Variants in IMMP2L observed in about 807,000 individuals in gnomAD.
The protein encoded by IMMP2L is inner mitochondrial membrane peptidase subunit 2.
IMMP2L carries 18 observed loss-of-function variants against 19.3 expected under a neutral mutation model. The ratio of observed to expected loss-of-function variants is 0.93; its 90% CI spans 0.64 to 1.38. IMMP2L has a LOEUF of 1.38. Among genes scored for constraint, IMMP2L ranks in the 40% most tolerant of loss-of-function variants. The pLI is 0.00. For missense variants in IMMP2L, 233 were observed against 218.2 expected, an observed-to-expected ratio of 1.07 and a Z score of -0.43; for synonymous variants, 76 against 73.0, an observed-to-expected ratio of 1.04 and a Z score of -0.21.
At chr7:110,913,636 A>G (rs1263785990) in intron 4 of IMMP2L, among the ~76,000 whole-genome samples, 1 of 152,170 alleles carries the variant, frequency 6.6e-6, no homozygotes, top group Non-Finnish European at 1.5e-5. Context: ...ATTTCTCAAC[A>G]TAAGCTCCAT....
chr7:111,104,260 T>C (rs912862908), intron 3 of IMMP2L, among the ~76,000 whole-genome samples: 2 of 151,694 alleles, frequency 1.3e-5, no homozygotes, highest in African/African-American at 4.8e-5. Flanking sequence ...ACAAAAGTCA[T>C]ATGATTTTCC....
chr7:110,821,600 C>T (rs1303640160), intron 5 of IMMP2L, among the ~76,000 whole-genome samples: 1 of 151,884 alleles, frequency 6.6e-6, no homozygotes, highest in East Asian at 1.9e-4. Flanking sequence ...AGTCAAGCTG[C>T]TTTAAATCCC....
chr7:110,674,335 T>A (rs1296166156), intron 5 of IMMP2L, among the ~76,000 whole-genome samples: 5 of 152,130 alleles, frequency 3.3e-5, no homozygotes, highest in Admixed American at 3.3e-4. Flanking sequence ...ACATGGGGAT[T>A]ATGGGAACTA....
chr7:111,242,664 G>A (rs1704096255), intron 3 of IMMP2L, among the ~76,000 whole-genome samples: 1 of 151,824 alleles, frequency 6.6e-6, no homozygotes, highest in South Asian at 2.1e-4. Context: ...CATTCTGAAG[G>A]CCTCGTGCAT....
intron 3 of IMMP2L, among the ~76,000 whole-genome samples, chr7:111,065,584 C>T (rs1277329829): frequency 6.6e-6 from 1 of 152,108 alleles, no homozygotes; most frequent in Non-Finnish European, 1.5e-5. Context: ...GGATGGGCAC[C>T]ATCTAATCAG....
At chr7:111,390,890 T>C (rs1832288149) in intron 3 of IMMP2L, 1 of 152,122 alleles carries the variant, frequency 6.6e-6, no homozygotes, top group South Asian at 2.1e-4. Flanking sequence ...CATTAACACG[T>C]AACTATGAAG....
At chr7:110,786,062 T>C (rs551766447) in intron 5 of IMMP2L, among the ~76,000 whole-genome samples, 31 of 152,080 alleles carry the variant, frequency 2.0e-4, no homozygotes, top group Middle Eastern at 6.8e-3. Flanking sequence ...AAAGGATGCT[T>C]ACTAGATTGC....
chr7:111,443,543 G>C (rs1158064006), intron 3 of IMMP2L, among the ~76,000 whole-genome samples: 1 of 152,120 alleles, frequency 6.6e-6, no homozygotes, highest in African/African-American at 2.4e-5. Context: ...CCTCTGAAGA[G>C]TTCTAAATAT....
chr7:110,698,919 AT>A (rs569488448), intron 5 of IMMP2L, among the ~76,000 whole-genome samples: 269 of 152,300 alleles, frequency 1.8e-3, no homozygotes, highest in African/African-American at 6.3e-3. Context: ...TTGAATTCTT[AT>A]TTTTTAAGTA....
intron 5 of IMMP2L, among the ~76,000 whole-genome samples, chr7:110,667,951 C>G (rs955992198): frequency 6.6e-6 from 1 of 152,114 alleles, no homozygotes; most frequent in African/African-American, 2.4e-5. Flanking sequence ...CTTTTTGAAG[C>G]AGGAAAAAAG....
chr7:110,816,321 G>C (rs1007672455), intron 5 of IMMP2L, among the ~76,000 whole-genome samples: 13 of 152,186 alleles, frequency 8.5e-5, no homozygotes, highest in African/African-American at 2.6e-4. Context: ...TTGCACTGTG[G>C]TCTGAGAGAC....
chr7:111,490,499 A>G (rs1459788230), intron 2 of IMMP2L, among the ~76,000 whole-genome samples: 3 of 151,816 alleles, frequency 2.0e-5, no homozygotes, highest in Admixed American at 6.6e-5. Context: ...CTTCTCATCC[A>G]ACCAGTCAGC....
chr7:111,549,282 G>C (rs1849224259), intron 1 of IMMP2L, among the ~76,000 whole-genome samples: 1 of 152,030 alleles, frequency 6.6e-6, no homozygotes, highest in African/African-American at 2.4e-5. Flanking sequence ...ATTCACATAG[G>C]ATTCTTACAA....
chr7:110,821,763 G>GA (rs879444378), intron 5 of IMMP2L, among the ~76,000 whole-genome samples: 17 of 148,410 alleles, frequency 1.1e-4, no homozygotes, highest in East Asian at 2.0e-4. Context: ...ATTACAAAAA[G>GA]AAAAAAAAAA....
At chr7:110,857,433 A>G (rs1353422808) in intron 5 of IMMP2L, among the ~76,000 whole-genome samples, 5 of 152,082 alleles carry the variant, frequency 3.3e-5, no homozygotes, top group Admixed American at 3.3e-4. Flanking sequence ...AAACTATTCT[A>G]TCTGATTCCT....
rs1337178867 is a variant in IMMP2L, at chr7:110,727,810, G to A, written c.409-64089C>T. On this transcript the variant is annotated intron_variant, in intron 5 of 5. Coordinates refer to ENST00000405709, the MANE Select transcript of IMMP2L (RefSeq NM_032549.4). The surrounding 1 kb of genome is among the most constrained non-coding windows in gnomAD (Gnocchi z 4.3). ...TGGGACTTACCTGAACTTATATCAA[G>A]GCGTAAGAAAAGAATTGCTTCACCG... Among the ~76,000 whole-genome samples, 1 of 152,164 alleles carries A rather than the reference G, an allele frequency of 6.6e-6. No homozygotes were observed. The highest frequency in any genetic ancestry group is 2.4e-5 in the African/African-American group (1 of 41,436).
intron 1 of IMMP2L, among the ~76,000 whole-genome samples, chr7:111,544,554 A>G (rs989485424): frequency 6.6e-6 from 1 of 152,192 alleles, no homozygotes; most frequent in Non-Finnish European, 1.5e-5. Context: ...GAGAAAATCA[A>G]CAAGGCCCAA....
At chr7:110,920,176 A>G (rs1182238045) in intron 4 of IMMP2L, among the ~76,000 whole-genome samples, 1 of 152,138 alleles carries the variant, frequency 6.6e-6, no homozygotes, top group Non-Finnish European at 1.5e-5. Context: ...CAGACAGCCT[A>G]TCGTGGCCTG....
chr7:110,756,748 A>G (rs527422048), intron 5 of IMMP2L, among the ~76,000 whole-genome samples: 1 of 152,256 alleles, frequency 6.6e-6, no homozygotes, highest in South Asian at 2.1e-4. Context: ...CTTTATATAG[A>G]AAATTGTTAA....
Sources: gnomAD v4.1 joint callset for allele counts (sites outside exome capture counted in the v4.1 genomes callset) on GRCh38, gnomAD v4.1.1 for gene constraint, Gnocchi (gnomAD v3.1) non-coding constraint, MANE v1.5 for transcripts, NCBI Gene and HGNC (gene_info 2026-07-23, HGNC 2026-07-21) for gene names.